The following ESCO2 variants were observed in gnomAD, a reference collection of about 807,000 sequenced individuals.
ESCO2 encodes the protein establishment of sister chromatid cohesion N-acetyltransferase 2, also known as N-acetyltransferase ESCO2.
In ESCO2, 51 loss-of-function variants were observed where a neutral mutation model predicts 61.7. That is an observed-to-expected ratio of 0.83 (90% CI 0.66 to 1.04). ESCO2 has a LOEUF of 1.04. ESCO2 is among the 50% of genes least tolerant of loss of function. The pLI is 0.00. For missense variants in ESCO2, 692 were observed against 686.2 expected, an observed-to-expected ratio of 1.01 and a Z score of -0.09; for synonymous variants, 230 against 238.2, an observed-to-expected ratio of 0.97 and a Z score of 0.32.
chr8:27,775,061 C>T (rs1000852495), intron 1 of ESCO2, among the ~76,000 whole-genome samples: 1 of 152,212 alleles, frequency 6.6e-6, no homozygotes, highest in African/African-American at 2.4e-5. Flanking sequence ...TGAATTCTGA[C>T]GAGCCACGTA....
chr8:27,798,477 TA>T lies in ESCO2; in HGVS notation c.1498-1061del, dbSNP rs199761866. On this transcript the variant is annotated intron_variant, in intron 9 of 10. Coordinates refer to ENST00000305188, the MANE Select transcript of ESCO2 (RefSeq NM_001017420.3). ...CCGTCTCTTTAAAAAAAAAAAAAAC[TA>T]AACATGTATTTACTATATGATCCAG... Among the ~76,000 whole-genome samples the T allele has an allele frequency of 9.6e-3, 1,428 of 148,714 alleles. 26 individuals carry two copies. The highest frequency in any genetic ancestry group is 0.033 in the African/African-American group (1,334 of 40,354).
At chr8:27,790,211 C>T (rs1356772789) in intron 7 of ESCO2, among the ~76,000 whole-genome samples, 2 of 152,196 alleles carry the variant, frequency 1.3e-5, no homozygotes, top group Admixed American at 6.5e-5. Flanking sequence ...CTATACCATA[C>T]GGGATTTCTT....
intron 4 of ESCO2, among the ~76,000 whole-genome samples, chr8:27,782,586 T>C (rs974515890): frequency 6.6e-6 from 1 of 152,158 alleles, no homozygotes; most frequent in African/African-American, 2.4e-5. Flanking sequence ...CAGTCTCTTT[T>C]TCTATATGTA....
chr8:27,789,641 C>T (rs964199346), intron 7 of ESCO2, among the ~76,000 whole-genome samples: 10 of 151,884 alleles, frequency 6.6e-5, no homozygotes, highest in African/African-American at 2.4e-4. Flanking sequence ...ATTAGCCAGG[C>T]GTGGTGGCGG....
At chr8:27,773,929 G>A (rs1014128947), upstream of ESCO2, among the ~76,000 whole-genome samples, 1 of 152,118 alleles carries the variant, frequency 6.6e-6, no homozygotes, top group Non-Finnish European at 1.5e-5. Context: ...TGGGTTCTCC[G>A]TTGTATTATT....
chr8:27,803,546 T>TCA lies in ESCO2; in HGVS notation c.*109_*110dup, dbSNP rs1343306604. 9 of 1,124,574 alleles carry TCA rather than the reference T, an allele frequency of 8.0e-6. No homozygotes were observed. The highest frequency in any genetic ancestry group is 2.8e-5 in the South Asian group (2 of 71,814). The allele number at this position is 1,124,574 out of a possible 1,614,324, so 69.7% of individuals were successfully genotyped here. A position where few individuals can be genotyped will look rare whatever the true frequency, so the allele number is the denominator to read the frequency against. ...AAATAAAAAATACCGAGACTCACACTCATACACACACACACACACACGCAC... is the reference window on the plus strand; with the variant it reads ...AAATAAAAAATACCGAGACTCACACTCACATACACACACACACACACACGCAC... On this transcript the variant is annotated 3_prime_UTR_variant, in exon 11 of 11. Transcript: ENST00000305188.
chr8:27,802,815 C>T (rs913003580), intron 10 of ESCO2, among the ~76,000 whole-genome samples: 6 of 149,942 alleles, frequency 4.0e-5, no homozygotes, highest in Non-Finnish European at 5.9e-5. Context: ...GGCGAGATAT[C>T]GGCTCACTGC....
chr8:27,817,063 C>A (rs1268300872), downstream of ESCO2, among the ~76,000 whole-genome samples: 1 of 152,048 alleles, frequency 6.6e-6, no homozygotes. Flanking sequence ...TACAGAAATG[C>A]CTTCCCTGAG....
chr8:27,819,397 T>G, the ESCO2 span, among the ~76,000 whole-genome samples: 12 of 152,112 alleles, frequency 7.9e-5, no homozygotes, highest in Non-Finnish European at 1.5e-4. Flanking sequence ...TCAAATAGGG[T>G]TTGACTTGTT....
Position 27,799,711 on chromosome 8 carries a change from C to T in ESCO2, c.1668C>T (p.Thr556=), listed in dbSNP as rs755021313. The change falls in exon 10 of 11, where the codon ACC becomes ACT. Residue 556 remains threonine (T), a synonymous_variant. Coordinates refer to ENST00000305188, the MANE Select transcript of ESCO2 (RefSeq NM_001017420.3). ...GCATTGCAAGACGACTGGTTGATAC[C>T]CTCAGGTAAGAAATAAAATGGATCT... ...RKRIARRLVD[T]LRNCFMFGCF... The T allele has an allele frequency of 2.5e-6, 4 of 1,613,558 alleles. No individual in the cohort carries two copies. The highest frequency in any genetic ancestry group is 3.4e-6 in the Non-Finnish European group (4 of 1,179,922).
chr8:27,780,004 A>G, intron 3 of ESCO2, 170 bp from the exon 4 acceptor site: 2 of 581,362 alleles, frequency 3.4e-6, no homozygotes, highest in South Asian at 2.0e-5. Context: ...TAGTGAATAC[A>G]GGGGAAGTTT....
intron 9 of ESCO2, among the ~76,000 whole-genome samples, chr8:27,798,995 A>G (rs560522596): frequency 3.9e-5 from 6 of 152,150 alleles, no homozygotes; most frequent in Non-Finnish European, 8.8e-5. Flanking sequence ...GAAACTATAC[A>G]CACCATTATA....
intron 7 of ESCO2, among the ~76,000 whole-genome samples, chr8:27,789,545 C>T (rs946918090): frequency 2.6e-5 from 4 of 152,020 alleles, no homozygotes; most frequent in East Asian, 1.9e-4. Context: ...TTTGGGAGGC[C>T]GAGGTGGGTG....
intron 7 of ESCO2, among the ~76,000 whole-genome samples, chr8:27,791,170 C>A (rs750076768): frequency 6.6e-6 from 1 of 152,126 alleles, no homozygotes; most frequent in Non-Finnish European, 1.5e-5. Context: ...GTAGTATAAA[C>A]CTAGTGTATA....
intron 3 of ESCO2, chr8:27,779,157 C>A (rs890290018): frequency 1.3e-5 from 2 of 152,358 alleles, no homozygotes; most frequent in East Asian, 3.9e-4. Flanking sequence ...TTGTGATCCA[C>A]CTGCCTTGGC....
chr8:27,775,660 C>T, intron 2 of ESCO2, 93 bp downstream of exon 2: 1 of 1,137,086 alleles, frequency 8.8e-7, no homozygotes, highest in Non-Finnish European at 1.3e-6. Context: ...CGTTCTTCCA[C>T]TAGCCTACTC....
rs575220868 is a variant in ESCO2, at chr8:27,794,569, T to C, written c.1497+1758T>C. Among the ~76,000 whole-genome samples, 6 of 152,352 alleles carry C rather than the reference T, an allele frequency of 3.9e-5. No individual in the cohort carries two copies. In the South Asian group the frequency reaches 1.2e-3, roughly 32 times the overall value. On this transcript the variant is annotated intron_variant, in intron 9 of 10. Transcript: ENST00000305188. ...GTTTGTGTTTATCCACTCTGTACTA[T>C]GCAGAAACTTTTCAGTTTGATGTTA...
At chr8:27,775,629 T>C in intron 2 of ESCO2, 62 bp downstream of exon 2, 1 of 1,567,320 alleles carries the variant, frequency 6.4e-7, no homozygotes, top group South Asian at 1.1e-5. Context: ...TCTCTTGTTC[T>C]CTCCTATTTT....
chr8:27,806,086 C>T (rs1173282459), downstream of ESCO2, among the ~76,000 whole-genome samples: 2 of 152,078 alleles, frequency 1.3e-5, no homozygotes, highest in African/African-American at 4.8e-5. Context: ...CAGTTTGTTA[C>T]CAAAAATATT....
Sources: gnomAD v4.1 joint callset for allele counts (sites outside exome capture counted in the v4.1 genomes callset) on GRCh38, gnomAD v4.1.1 for gene constraint, MANE v1.5 for transcripts, NCBI Gene and HGNC (gene_info 2026-07-23, HGNC 2026-07-21) for gene names.